The following LINGO2 variants were observed in gnomAD, a reference collection of about 807,000 sequenced individuals.
LINGO2 encodes the protein leucine-rich repeat and immunoglobulin-like domain-containing nogo receptor-interacting protein 2.
A neutral mutation model predicts 30.6 loss-of-function variants in LINGO2; 14 were observed. That is an observed-to-expected ratio of 0.46 (90% CI 0.30 to 0.72). The LOEUF is 0.72. Among genes scored for constraint, LINGO2 ranks in the 30% least tolerant of loss-of-function variants. LINGO2 has a pLI of 0.07. For synonymous variants in LINGO2, 317 were observed against 288.5 expected (o/e 1.10, Z -1.00); for missense variants, 729 against 751.7 (o/e 0.97, Z 0.35).
At chr9:28,757,837 A>G in the LINGO2 span, among the ~76,000 whole-genome samples, 1 of 152,052 alleles carries the variant, frequency 6.6e-6, no homozygotes, top group Non-Finnish European at 1.5e-5. Flanking sequence ...CTCTCCAGGT[A>G]TATGGGCTTT....
intron 1 of LINGO2, among the ~76,000 whole-genome samples, chr9:28,638,941 T>C (rs1002571601): frequency 6.6e-6 from 1 of 152,186 alleles, no homozygotes; most frequent in African/African-American, 2.4e-5. Context: ...TTTCCTGCTT[T>C]CTCTTGTGGG....
intron 1 of LINGO2, among the ~76,000 whole-genome samples, chr9:28,531,355 T>G (rs1821231247): frequency 1.3e-5 from 2 of 152,170 alleles, no homozygotes; most frequent in Non-Finnish European, 2.9e-5. Flanking sequence ...TCCTACATTG[T>G]CCTCTTTTTC....
the LINGO2 span, among the ~76,000 whole-genome samples, chr9:29,134,043 C>T: frequency 1.3e-5 from 2 of 152,078 alleles, no homozygotes; most frequent in African/African-American, 4.8e-5. Context: ...GTTTTCCATG[C>T]AGGACATAAA....
At chr9:28,001,740 G>C (rs1478297430) in intron 5 of LINGO2, among the ~76,000 whole-genome samples, 2 of 152,190 alleles carry the variant, frequency 1.3e-5, no homozygotes, top group South Asian at 2.1e-4. Flanking sequence ...ATTATTGTTA[G>C]TTTCAAGTCT....
the LINGO2 span, among the ~76,000 whole-genome samples, chr9:29,198,348 T>TA: frequency 6.6e-6 from 1 of 152,232 alleles, no homozygotes; most frequent in East Asian, 1.9e-4. Flanking sequence ...CTTTGCAGCG[T>TA]AAGTGGCTGA....
rs377318642 is a variant in LINGO2, at chr9:28,021,780, T to G, written c.-86-9375A>C. 1.1e-4 allele frequency among the ~76,000 whole-genome samples: 16 copies of G among 152,240 alleles called. No individual in the cohort carries two copies. The East Asian group carries it at 3.1e-3, about 29-fold the overall frequency. On this transcript the variant is annotated intron_variant, in intron 4 of 5. Transcript: ENST00000379992. ...TTCCTTGTTCTGAAGTCAGTTTCGT[T>G]TAATACACTACTTCTGTTTCTTTTG...
chr9:28,341,936 T>C (rs1163704006), intron 3 of LINGO2, among the ~76,000 whole-genome samples: 2 of 152,232 alleles, frequency 1.3e-5, no homozygotes, highest in East Asian at 3.9e-4. Context: ...TACCACCTTC[T>C]TTTTATCCTA....
chr9:28,145,234 G>A (rs1020813081), intron 4 of LINGO2, among the ~76,000 whole-genome samples: 1 of 152,178 alleles, frequency 6.6e-6, no homozygotes, highest in Non-Finnish European at 1.5e-5. Flanking sequence ...AGCTCAAAGT[G>A]TGCGAGGAAG....
chr9:28,364,419 C>T (rs1280879085), intron 3 of LINGO2, among the ~76,000 whole-genome samples: 2 of 152,000 alleles, frequency 1.3e-5, no homozygotes, highest in African/African-American at 4.8e-5. Context: ...TGGCATCATG[C>T]TGCTGAAGCT....
At chr9:28,861,064 T>C in the LINGO2 span, among the ~76,000 whole-genome samples, 14 of 80,522 alleles carry the variant, frequency 1.7e-4, no homozygotes, top group Admixed American at 6.0e-4. Context: ...TAATATGTAT[T>C]ATTAATATAT....
the LINGO2 span, among the ~76,000 whole-genome samples, chr9:28,799,872 A>C: frequency 1.9e-3 from 288 of 152,224 alleles, 1 homozygote; most frequent in African/African-American, 6.8e-3. Context: ...ATTTTCCAGG[A>C]ATCAAAAATT....
At chr9:28,916,793 C>T in the LINGO2 span, among the ~76,000 whole-genome samples, 849 of 69,906 alleles carry the variant, frequency 0.012, 3 homozygotes, top group Middle Eastern at 0.076. Context: ...TTAATTGAGA[C>T]TTGTTTTATA....
chr9:29,174,829 G>C, the LINGO2 span, among the ~76,000 whole-genome samples: 6 of 152,228 alleles, frequency 3.9e-5, no homozygotes, highest in South Asian at 1.2e-3. Context: ...CTGGCTAAAA[G>C]GCAAAGAAAA....
intron 2 of LINGO2, among the ~76,000 whole-genome samples, chr9:28,395,476 A>G (rs1293609884): frequency 6.6e-6 from 1 of 152,148 alleles, no homozygotes; most frequent in Non-Finnish European, 1.5e-5. Context: ...TTTCAAAACC[A>G]TTTCAACTAT....
chr9:28,137,563 G>A (rs17698768), intron 4 of LINGO2, among the ~76,000 whole-genome samples: 5,729 of 152,056 alleles, frequency 0.038, 180 homozygotes, highest in Admixed American at 0.082. Flanking sequence ...CTGGAAACAT[G>A]AACCTTGTAA....
the LINGO2 span, among the ~76,000 whole-genome samples, chr9:28,795,512 C>T: frequency 6.6e-6 from 1 of 151,868 alleles, no homozygotes; most frequent in Non-Finnish European, 1.5e-5. Context: ...GGTATCTGTG[C>T]TATAAACTGT....
At chr9:28,223,984 G>A (rs7855540) in intron 4 of LINGO2, among the ~76,000 whole-genome samples, 40,516 of 152,106 alleles carry the variant, frequency 0.27, 5,542 homozygotes, top group Middle Eastern at 0.34. Flanking sequence ...TGTAAGTGTG[G>A]AAGTTCATCT....
the LINGO2 span, among the ~76,000 whole-genome samples, chr9:28,901,775 G>A: frequency 3.3e-5 from 5 of 151,776 alleles, no homozygotes; most frequent in African/African-American, 1.2e-4. Flanking sequence ...AAGATAGCAA[G>A]AGAGGTAGAA....
At chr9:27,999,435 T>TGAGAGAGAGAGAGA (rs1156717819) in intron 5 of LINGO2, among the ~76,000 whole-genome samples, 37 of 103,012 alleles carry the variant, frequency 3.6e-4, no homozygotes, top group African/African-American at 1.4e-3. Flanking sequence ...TGCCTAATCT[T>TGAGAGAGAGAGAGA]CAGAGAGAGA....
Sources: gnomAD v4.1 joint callset for allele counts (sites outside exome capture counted in the v4.1 genomes callset) on GRCh38, gnomAD v4.1.1 for gene constraint, MANE v1.5 for transcripts, NCBI Gene and HGNC (gene_info 2026-07-23, HGNC 2026-07-21) for gene names.